The following ATXN10 variants were observed in gnomAD, a reference collection of about 807,000 sequenced individuals.
ATXN10 encodes ataxin 10.
A neutral mutation model predicts 52.9 loss-of-function variants in ATXN10; 28 were observed. The ratio of observed to expected loss-of-function variants is 0.53; its 90% confidence interval spans 0.39 to 0.73. ATXN10 has a LOEUF of 0.73. Ranked by LOEUF, ATXN10 falls within the 30% of genes least tolerant of loss-of-function variation. The pLI, the probability that ATXN10 is intolerant of heterozygous loss-of-function variation, is 0.00. For synonymous variants in ATXN10, 226 were observed against 221.5 expected (o/e 1.02, Z -0.18); for missense variants, 565 against 577.0 (o/e 0.98, Z 0.21).
At chr22:45,695,227 G>A (rs1923557140) in intron 3 of ATXN10, among the ~76,000 whole-genome samples, 1 of 150,826 alleles carries the variant, frequency 6.6e-6, no homozygotes, top group Non-Finnish European at 1.5e-5. Context: ...GGGAGGCTGA[G>A]GCAGGAGAAT....
Position 45,705,061 on chromosome 22 carries a change from C to G in ATXN10, c.647+2214C>G, listed in dbSNP as rs1923987647. On this transcript the variant is annotated intron_variant, in intron 5 of 11. Transcript: ENST00000252934. The surrounding 1 kb of genome is among the most constrained non-coding windows in gnomAD (Gnocchi z 5.2). Reference sequence around the variant, plus strand: ...GTCTTTTAGTCTATTAATACTTTGTCTAACAGTGATTTTTATACTTTAAAT... The same window carrying G: ...GTCTTTTAGTCTATTAATACTTTGTGTAACAGTGATTTTTATACTTTAAAT... Among the ~76,000 whole-genome samples, 1 of 152,170 alleles carries G rather than the reference C, an allele frequency of 6.6e-6. No homozygotes were observed. Among genetic ancestry groups the G allele is most frequent in the Non-Finnish European group, 1.5e-5 (1 of 68,026 alleles).
In ATXN10 at chr22:45,781,402, C is replaced by T. The variant is rs1927145219; in HGVS notation, c.1174-25557C>T. ...GAGGCACCCCTCTCTCCCCGGGTGTCAAAGGAGGTTGAGTGAGGGACCTAG... is the reference window on the plus strand; with the variant it reads ...GAGGCACCCCTCTCTCCCCGGGTGTTAAAGGAGGTTGAGTGAGGGACCTAG... On this transcript the variant is annotated intron_variant, in intron 9 of 11. Coordinates refer to ENST00000252934, the MANE Select transcript of ATXN10 (RefSeq NM_013236.4). This position sits in a 1 kb window ranked among gnomAD's most constrained non-coding sequence, Gnocchi z 4.2. Among the ~76,000 whole-genome samples, 1 of 152,196 alleles carries T rather than the reference C, an allele frequency of 6.6e-6. No homozygotes were observed. Among genetic ancestry groups the T allele is most frequent in the African/African-American group, 2.4e-5 (1 of 41,520 alleles).
At chr22:45,767,552 G>A (rs1186168739) in intron 9 of ATXN10, among the ~76,000 whole-genome samples, 2 of 151,950 alleles carry the variant, frequency 1.3e-5, no homozygotes, top group African/African-American at 2.4e-5. Context: ...AGGCCAGGGT[G>A]GAATAGACAG....
rs1381960091 is a variant in ATXN10, at chr22:45,826,336, C to T, written c.1238-16655C>T. On this transcript the variant is annotated intron_variant, in intron 10 of 11. Coordinates refer to ENST00000252934, the MANE Select transcript of ATXN10 (RefSeq NM_013236.4). The surrounding 1 kb of genome is among the most constrained non-coding windows in gnomAD (Gnocchi z 5.0). ...ACACCATCAAGCCAACCAACATACGCATTGTGGGAAACAAGGAAAAAGAGA... is the reference window on the plus strand; with the variant it reads ...ACACCATCAAGCCAACCAACATACGTATTGTGGGAAACAAGGAAAAAGAGA... 1.3e-5 allele frequency among the ~76,000 whole-genome samples: 2 copies of T among 152,110 alleles called. No homozygotes were observed. Among genetic ancestry groups the T allele is most frequent in the Non-Finnish European group, 2.9e-5 (2 of 68,020 alleles).
At chr22:45,792,163 T>G (rs1219260519) in intron 9 of ATXN10, among the ~76,000 whole-genome samples, 1 of 152,222 alleles carries the variant, frequency 6.6e-6, no homozygotes, top group African/African-American at 2.4e-5. Context: ...TAGAAGTCAA[T>G]TCTACCCTTC....
chr22:45,843,641 G>A lies in ATXN10; in HGVS notation c.1426-28G>A. On this transcript the variant is annotated intron_variant, in intron 11 of 11. Coordinates refer to ENST00000252934, the MANE Select transcript of ATXN10 (RefSeq NM_013236.4). This position sits in a 1 kb window ranked among gnomAD's most constrained non-coding sequence, Gnocchi z 4.5. ...TCTTGTGAACAGATTTGCTACATCT[G>A]CAATTTTGTTTCTTTCTTCTTCTTT... 3 of 1,609,984 alleles carry A rather than the reference G, an allele frequency of 1.9e-6. No individual in the cohort carries two copies. Among genetic ancestry groups the A allele is most frequent in the Non-Finnish European group, 2.5e-6 (3 of 1,177,152 alleles).
At position 45,672,050 on chromosome 22, in the gene ATXN10, C is replaced by T; in HGVS notation, c.-14C>T. On this transcript the variant is annotated 5_prime_UTR_variant, in exon 1 of 12. Transcript: ENST00000252934. Reference sequence around the variant, plus strand: ...CTCCTCCTCGTCAGGCTCGACCCAGCTGTGAGCGGCAAGATGGCGGCGCCC... The same window carrying T: ...CTCCTCCTCGTCAGGCTCGACCCAGTTGTGAGCGGCAAGATGGCGGCGCCC... The T allele has an allele frequency of 1.3e-6, 2 of 1,535,278 alleles. No homozygotes were observed. The highest frequency in any genetic ancestry group is 8.7e-7 in the Non-Finnish European group (1 of 1,144,652).
At chr22:45,808,996 A>G (rs1440995418) in intron 10 of ATXN10, among the ~76,000 whole-genome samples, 1 of 152,238 alleles carries the variant, frequency 6.6e-6, no homozygotes, top group Non-Finnish European at 1.5e-5. Context: ...AGTTGTATTT[A>G]TTAAGCTTAC....
chr22:45,717,646 A>G (rs1924495742), intron 5 of ATXN10, among the ~76,000 whole-genome samples: 1 of 152,218 alleles, frequency 6.6e-6, no homozygotes, highest in Non-Finnish European at 1.5e-5. Context: ...TCATTTGGTT[A>G]TCAGACTGAA....
At chr22:45,800,449 T>A (rs1927894492) in intron 9 of ATXN10, among the ~76,000 whole-genome samples, 1 of 152,222 alleles carries the variant, frequency 6.6e-6, no homozygotes, top group Admixed American at 6.5e-5. Flanking sequence ...TGACAACATA[T>A]CAAGTGTTGA....
At chr22:45,804,288 T>A (rs563477358) in intron 9 of ATXN10, among the ~76,000 whole-genome samples, 7 of 152,350 alleles carry the variant, frequency 4.6e-5, no homozygotes, top group Admixed American at 3.9e-4. Context: ...TAATACTTAC[T>A]CTAGCATTTC....
rs138202 is a variant in ATXN10, at chr22:45,762,255, T to C, written c.1173+21717T>C. 0.054 allele frequency among the ~76,000 whole-genome samples: 8,165 copies of C among 152,306 alleles called. 629 individuals carry two copies. Among genetic ancestry groups the C allele is most frequent in the African/African-American group, 0.18 (7,410 of 41,532 alleles). The stretch of plus-strand genomic sequence containing the variant: ...GTTTCCCCTGACCAGCGTGCGTTTC[T>C]TTCTGGAGGCGCAGGGACCTCGGCT... On this transcript the variant is annotated intron_variant, in intron 9 of 11. Coordinates refer to ENST00000252934, the MANE Select transcript of ATXN10 (RefSeq NM_013236.4). This position sits in a 1 kb window ranked among gnomAD's most constrained non-coding sequence, Gnocchi z 4.3.
rs558567681 is a variant in ATXN10, at chr22:45,834,640, C to CGCCT, written c.1238-8350_1238-8347dup. On this transcript the variant is annotated intron_variant, in intron 10 of 11. Transcript: ENST00000252934. ...GATCTGACAGAACTCTGGGAGCTAC[C>CGCCT]GCCTCATAAGTAGATCAAATCCAGG... Among the ~76,000 whole-genome samples the CGCCT allele has an allele frequency of 8.4e-4, 128 of 152,296 alleles. 1 individual carries two copies. The highest frequency in any genetic ancestry group is 3.0e-3 in the African/African-American group (123 of 41,550).
In ATXN10 at chr22:45,672,137, C is replaced by T. The variant is rs909340699; in HGVS notation, c.74C>T (p.Ala25Val). The change falls in exon 1 of 12, where the codon GCC becomes GTC. Residue 25 changes from alanine to valine, a missense_variant. Ala to Val is a moderately conservative substitution (Grantham distance 64). Coordinates refer to ENST00000252934, the MANE Select transcript of ATXN10 (RefSeq NM_013236.4). ...MVPAPIQDLE[A>V]LRALTALFKE... Reference sequence around the variant, plus strand: ...CCGGCGCCCATCCAAGACCTGGAGGCCCTGCGCGCGCTCACGGCGCTCTTC... The same window carrying T: ...CCGGCGCCCATCCAAGACCTGGAGGTCCTGCGCGCGCTCACGGCGCTCTTC... 1.3e-6 allele frequency: 2 copies of T among 1,540,236 alleles called. No homozygotes were observed. Among genetic ancestry groups the T allele is most frequent in the Non-Finnish European group, 1.7e-6 (2 of 1,145,468 alleles).
At chr22:45,812,434 A>G (rs990799485) in intron 10 of ATXN10, among the ~76,000 whole-genome samples, 1 of 152,090 alleles carries the variant, frequency 6.6e-6, no homozygotes, top group Non-Finnish European at 1.5e-5. Context: ...GCTTGGTGAA[A>G]TATGTGTATG....
chr22:45,793,714 C>G, intron 9 of ATXN10: 5 of 1,478,618 alleles, frequency 3.4e-6, no homozygotes, highest in Non-Finnish European at 4.5e-6. Context: ...CTGAGGCCCT[C>G]TTGCCTGCTA....
chr22:45,716,325 C>CT (rs1157868947), intron 5 of ATXN10, among the ~76,000 whole-genome samples: 9,258 of 133,264 alleles, frequency 0.069, 393 homozygotes, highest in African/African-American at 0.11. Flanking sequence ...TGAGTGCTTC[C>CT]TTTTTTTTTT....
intron 10 of ATXN10, among the ~76,000 whole-genome samples, chr22:45,829,004 T>C (rs996824463): frequency 6.6e-6 from 1 of 152,146 alleles, no homozygotes; most frequent in African/African-American, 2.4e-5. Flanking sequence ...TTTAACAGCA[T>C]ACTAAAAGAA....
intron 10 of ATXN10, among the ~76,000 whole-genome samples, chr22:45,830,743 C>T (rs1331461094): frequency 6.6e-6 from 1 of 151,068 alleles, no homozygotes; most frequent in African/African-American, 2.4e-5. Flanking sequence ...AATCAGAACT[C>T]CCATGCATTA....
Sources: allele counts gnomAD v4.1 joint callset (sites outside exome capture counted in the v4.1 genomes callset), GRCh38; gene constraint gnomAD v4.1.1; non-coding constraint Gnocchi (gnomAD v3.1); transcripts MANE v1.5; gene names NCBI Gene and HGNC (gene_info 2026-07-23, HGNC 2026-07-21).